GUCY1A2: variants seen among roughly 807,000 people sequenced by gnomAD.
The protein encoded by GUCY1A2 is guanylate cyclase 1 soluble subunit alpha 2.
Under a neutral mutation model 63.5 loss-of-function variants are expected in GUCY1A2, and 27 were observed. The ratio of observed to expected loss-of-function variants is 0.43; its 90% CI spans 0.31 to 0.59. The LOEUF is 0.59. Ranked by LOEUF, GUCY1A2 falls within the 20% of genes least tolerant of loss-of-function variation. The pLI is 0.11. For synonymous variants in GUCY1A2, 364 were observed against 343.5 expected, an observed-to-expected ratio of 1.06 and a Z score of -0.66; for missense variants, 768 against 913.3, an observed-to-expected ratio of 0.84 and a Z score of 2.05.
chr11:106,748,615 A>T (rs1863831605), intron 6 of GUCY1A2, among the ~76,000 whole-genome samples: 1 of 152,210 alleles, frequency 6.6e-6, no homozygotes, highest in Non-Finnish European at 1.5e-5. Flanking sequence ...CATTTAAACC[A>T]TGCTACTCTA....
chr11:106,882,238 T>C (rs970492088), intron 4 of GUCY1A2, among the ~76,000 whole-genome samples: 31 of 152,002 alleles, frequency 2.0e-4, no homozygotes, highest in Admixed American at 2.0e-3. Context: ...GGCCAAAGCA[T>C]TTACTAAAGG....
chr11:106,973,978 A>C (rs1209373576), intron 3 of GUCY1A2, among the ~76,000 whole-genome samples: 1 of 152,088 alleles, frequency 6.6e-6, no homozygotes, highest in Non-Finnish European at 1.5e-5. Flanking sequence ...TGCAAATAAG[A>C]AATATGAGGT....
intron 2 of GUCY1A2, among the ~76,000 whole-genome samples, chr11:106,984,929 T>C (rs117995478): frequency 6.6e-6 from 1 of 152,174 alleles, no homozygotes; most frequent in Non-Finnish European, 1.5e-5. Flanking sequence ...AACTACACTC[T>C]TGAGGATAAG....
intron 4 of GUCY1A2, chr11:106,827,685 G>T: frequency 6.5e-7 from 1 of 1,549,506 alleles, no homozygotes; most frequent in Non-Finnish European, 8.9e-7. Flanking sequence ...CATGGTACTT[G>T]ATTGTTCTTC....
At chr11:106,956,714 C>G (rs1185332459) in intron 3 of GUCY1A2, among the ~76,000 whole-genome samples, 1 of 152,128 alleles carries the variant, frequency 6.6e-6, no homozygotes, top group African/African-American at 2.4e-5. Flanking sequence ...TAGGATGACT[C>G]CTGTATAGGG....
chr11:106,998,752 T>G (rs1232955555), intron 1 of GUCY1A2, among the ~76,000 whole-genome samples: 1 of 152,046 alleles, frequency 6.6e-6, no homozygotes. Context: ...CATTTGGTCC[T>G]GAACCTTATT....
chr11:106,857,620 G>A (rs900502250), intron 4 of GUCY1A2, among the ~76,000 whole-genome samples: 7 of 152,068 alleles, frequency 4.6e-5, no homozygotes, highest in South Asian at 2.1e-4. Flanking sequence ...TTTCGAGAAC[G>A]TACAGTCAGC....
chr11:106,998,992 A>G (rs1861578942), intron 1 of GUCY1A2, among the ~76,000 whole-genome samples: 1 of 152,150 alleles, frequency 6.6e-6, no homozygotes, highest in Admixed American at 6.6e-5. Context: ...TCACTGCTAT[A>G]TAGTCATCAC....
chr11:106,980,534 T>C (rs1861321538), intron 2 of GUCY1A2, among the ~76,000 whole-genome samples: 1 of 152,188 alleles, frequency 6.6e-6, no homozygotes, highest in Non-Finnish European at 1.5e-5. Context: ...ATACACTCTG[T>C]CCTGTATTCC....
At position 107,018,076 on chromosome 11, in the gene GUCY1A2, G is replaced by T. The variant is rs1012517833; in HGVS notation, c.-21C>A. 6 of 1,415,256 alleles carry T rather than the reference G, an allele frequency of 4.2e-6. No homozygotes were observed. The African/African-American group carries it at 4.5e-5, about 11-fold the overall frequency. The allele number at this position is 1,415,256 out of a possible 1,614,324, so 87.7% of individuals were successfully genotyped here. The stretch of plus-strand genomic sequence containing the variant: ...GACATGCTGCCGGCGGAGCTGCAGC[G>T]GCCGAGGCGGTGGCGGCGAGGACGC... On this transcript the variant is annotated 5_prime_UTR_variant, in exon 1 of 8. Coordinates refer to ENST00000526355, the MANE Select transcript of GUCY1A2 (RefSeq NM_000855.3).
In GUCY1A2 at chr11:106,675,201, G is replaced by A. The variant is rs967024875; in HGVS notation, c.*12348C>T. On this transcript the variant is annotated 3_prime_UTR_variant, in exon 8 of 8. Coordinates refer to ENST00000526355, the MANE Select transcript of GUCY1A2 (RefSeq NM_000855.3). ...GAGACAGTTTTGTCACTTAATTACC[G>A]AAGTTATAATGTAGCTACAGGCAGC... 4 of 204,938 alleles carry A rather than the reference G, an allele frequency of 2.0e-5. No individual in the cohort carries two copies. Among genetic ancestry groups the A allele is most frequent in the African/African-American group, 4.6e-5 (2 of 43,554 alleles). The allele number at this position is 204,938 out of a possible 1,614,324, so 12.7% of individuals were successfully genotyped here.
In GUCY1A2 at chr11:106,719,692, G is replaced by A. The variant is rs187725799; in HGVS notation, c.1837-11026C>T. On this transcript the variant is annotated intron_variant, in intron 6 of 7. Transcript: ENST00000526355. ...CTTGGCTACACACTGGAATCAACTG[G>A]GGAGCTTTAAAATTGCTGTTTTGAA... Among the ~76,000 whole-genome samples, 912 of 152,244 alleles carry A rather than the reference G, an allele frequency of 6.0e-3. 3 individuals carry two copies. The highest frequency in any genetic ancestry group is 0.02 in the Middle Eastern group (6 of 294).
chr11:106,958,647 C>T (rs1350871086), intron 3 of GUCY1A2, among the ~76,000 whole-genome samples: 1 of 146,516 alleles, frequency 6.8e-6, no homozygotes, highest in Non-Finnish European at 1.5e-5. Flanking sequence ...AACACACACA[C>T]AGTATGTATG....
At chr11:106,752,749 C>T (rs150641600) in intron 6 of GUCY1A2, among the ~76,000 whole-genome samples, 2,161 of 152,256 alleles carry the variant, frequency 0.014, 27 homozygotes, top group Middle Eastern at 0.041. Flanking sequence ...TTTCTTTATG[C>T]AGTCTATTAC....
rs1008583162 is a variant in GUCY1A2, at chr11:106,971,719, A to G, written c.487+6900T>C. On this transcript the variant is annotated intron_variant, in intron 3 of 7. Transcript: ENST00000526355. ...TATATATATGAGTTAGTCTACACAC[A>G]TATATTCTCTTGCTCTGTCAGCTGA... Among the ~76,000 whole-genome samples the G allele has an allele frequency of 3.9e-5, 6 of 152,276 alleles. No homozygotes were observed. The East Asian group carries it at 1.2e-3, about 29-fold the overall frequency.
chr11:106,908,192 G>A (rs1408181981), intron 4 of GUCY1A2, among the ~76,000 whole-genome samples: 6 of 151,882 alleles, frequency 4.0e-5, no homozygotes, highest in South Asian at 2.1e-4. Flanking sequence ...GAAAGGAAAC[G>A]TAGATATTAT....
rs149378629 is a variant in GUCY1A2 at position 106,753,660 on chromosome 11, A to G, written c.1836+22779T>C. 7.2e-5 allele frequency among the ~76,000 whole-genome samples: 11 copies of G among 152,172 alleles called. No homozygotes were observed. The South Asian group carries it at 2.3e-3, about 32-fold the overall frequency. On this transcript the variant is annotated intron_variant, in intron 6 of 7. Coordinates refer to ENST00000526355, the MANE Select transcript of GUCY1A2 (RefSeq NM_000855.3). ...TGTCAGGTTTGTCAAAGATCAGATG[A>G]TTTTAGATGTGTGGTGTTATTTCTG... is the stretch of plus-strand genomic sequence containing the variant.
intron 4 of GUCY1A2, among the ~76,000 whole-genome samples, chr11:106,907,652 G>A (rs11211971): frequency 0.04 from 6,132 of 151,926 alleles, 645 homozygotes; most frequent in East Asian, 0.3. Context: ...GAGAACATGC[G>A]GTGTTTGGTT....
intron 4 of GUCY1A2, among the ~76,000 whole-genome samples, chr11:106,862,294 C>A (rs1279151306): frequency 1.3e-5 from 2 of 149,600 alleles, no homozygotes; most frequent in African/African-American, 4.9e-5. Flanking sequence ...AATACTACTA[C>A]TTTCATATAA....
Sources: allele counts gnomAD v4.1 joint callset (sites outside exome capture counted in the v4.1 genomes callset), GRCh38; gene constraint gnomAD v4.1.1; transcripts MANE v1.5; gene names NCBI Gene and HGNC (gene_info 2026-07-23, HGNC 2026-07-21).